Variants in PDE6A observed in about 807,000 individuals in gnomAD.
PDE6A encodes phosphodiesterase 6A.
Under a neutral mutation model 106.3 loss-of-function variants are expected in PDE6A, and 84 were observed. That is an observed-to-expected ratio of 0.79 (90% CI 0.66 to 0.95). The LOEUF (loss-of-function observed/expected upper bound fraction) is 0.95, where lower values mean the gene tolerates loss of function less well. PDE6A is among the 40% of genes least tolerant of loss of function. The pLI is 0.00. For missense variants in PDE6A, 1,052 were observed against 1,084.9 expected (o/e 0.97, Z 0.43); for synonymous variants, 394 against 386.6 (o/e 1.02, Z -0.23).
At position 149,944,423 on chromosome 5, in the gene PDE6A, T is replaced by A. The variant is rs771965437; in HGVS notation, c.251A>T (p.Lys84Met). The change falls in exon 1 of 22, where the codon AAG (lysine) becomes ATG (methionine). Residue 84 changes from lysine to methionine, a missense_variant. Physicochemically the swap from Lys to Met is moderately conservative, Grantham distance 95. Around this residue, in one of 3 missense-constraint regions of PDE6A, gnomAD observed 913 missense variants for 915.2 expected, o/e 1.00. Transcript: ENST00000255266. ...GTCTGCCTGCAGGAGGAAGCACAGC[T>A]TCTTCATGACATTGAAGATGCATTT... ...TEKCIFNVMK[K>M]LCFLLQADRM... 3.7e-5 allele frequency: 59 copies of A among 1,613,988 alleles called. No homozygotes were observed. The Middle Eastern group carries it at 4.9e-4, about 13-fold the overall frequency.
intron 3 of PDE6A, chr5:149,932,775 A>G: frequency 1.1e-6 from 1 of 946,506 alleles, no homozygotes. Context: ...AAATCCTTTA[A>G]CTTGCTTCAA....
intron 17 of PDE6A, among the ~76,000 whole-genome samples, chr5:149,873,528 C>G (rs367940328): frequency 6.6e-6 from 1 of 152,052 alleles, no homozygotes; most frequent in Non-Finnish European, 1.5e-5. Flanking sequence ...GACAGGGTTT[C>G]ATCACGTTGA....
chr5:149,866,206 G>C lies in PDE6A; in HGVS notation c.2322C>G (p.Val774=). 6.2e-7 allele frequency: 1 copy of C among 1,614,144 alleles called. No homozygotes were observed. Among genetic ancestry groups the C allele is most frequent in the Non-Finnish European group, 8.5e-7 (1 of 1,179,986 alleles). ...NKADELPKLQ[V]GFIDFVCTFV... Reference sequence around the variant, plus strand: ...AGGTGCAAACAAAGTCAATGAAGCCGACTTGAAGCTTAGGGAGTTCATCTG... The same window carrying C: ...AGGTGCAAACAAAGTCAATGAAGCCCACTTGAAGCTTAGGGAGTTCATCTG... The change falls in exon 20 of 22, where the codon GTC becomes GTG. Residue 774 remains valine, a synonymous_variant. Coordinates refer to ENST00000255266, the MANE Select transcript of PDE6A (RefSeq NM_000440.3).
At position 149,863,054 on chromosome 5, in the gene PDE6A, G is replaced by GT; in HGVS notation, c.2506+64_2506+65insA. On this transcript the variant is annotated intron_variant, in intron 21 of 21. Coordinates refer to ENST00000255266, the MANE Select transcript of PDE6A (RefSeq NM_000440.3). This position sits in a 1 kb window ranked among gnomAD's most constrained non-coding sequence, Gnocchi z 4.7. The stretch of plus-strand genomic sequence containing the variant: ...ACTCCGTGTAAGAGTCTCTGAGGCA[G>GT]GACGCAGACACTGAGTGCTCAGGGA... The GT allele has an allele frequency of 6.3e-7, 1 of 1,587,030 alleles. No homozygotes were observed. Among genetic ancestry groups the GT allele is most frequent in the Non-Finnish European group, 8.7e-7 (1 of 1,155,450 alleles).
intron 6 of PDE6A, among the ~76,000 whole-genome samples, chr5:149,914,415 T>C (rs1753488155): frequency 6.6e-6 from 1 of 152,194 alleles, no homozygotes; most frequent in Non-Finnish European, 1.5e-5. Context: ...TTGAGATGTG[T>C]TAAAATAAAA....
At chr5:149,917,122 A>C (rs1753581225) in intron 5 of PDE6A, among the ~76,000 whole-genome samples, 1 of 151,506 alleles carries the variant, frequency 6.6e-6, no homozygotes, top group Non-Finnish European at 1.5e-5. Context: ...GCATGATCCA[A>C]GTTTATATTT....
Position 149,944,416 on chromosome 5 carries a change from G to C in PDE6A, c.258C>G (p.Cys86Trp). Residue 86 changes from cysteine to tryptophan, a missense_variant, in exon 1 of 22, where the codon TGC (cysteine) becomes TGG (tryptophan). By Grantham distance (215) the Cys-to-Trp change is radical (BLOSUM62 -2). Around this residue, in one of 3 missense-constraint regions of PDE6A, gnomAD observed 913 missense variants for 915.2 expected, o/e 1.00. Coordinates refer to ENST00000255266, the MANE Select transcript of PDE6A (RefSeq NM_000440.3). Reference sequence around the variant, plus strand: ...TCATGCGGTCTGCCTGCAGGAGGAAGCACAGCTTCTTCATGACATTGAAGA... The same window carrying C: ...TCATGCGGTCTGCCTGCAGGAGGAACCACAGCTTCTTCATGACATTGAAGA... ...KCIFNVMKKL[C>W]FLLQADRMSL... The C allele has an allele frequency of 6.2e-7, 1 of 1,614,146 alleles. No homozygotes were observed. The highest frequency in any genetic ancestry group is 2.2e-5 in the East Asian group (1 of 44,886).
chr5:149,897,368 G>C lies in PDE6A; in HGVS notation c.1408-592C>G, dbSNP rs140138997. 3.3e-5 allele frequency among the ~76,000 whole-genome samples: 5 copies of C among 152,308 alleles called. No homozygotes were observed. In the East Asian group the frequency reaches 5.8e-4, roughly 18 times the overall value. ...GATTTCTTGACCCAGAGCAAAATTT[G>C]TTAACTTGTAACTGGTTCACCGAGG... On this transcript the variant is annotated intron_variant, in intron 10 of 21. Coordinates refer to ENST00000255266, the MANE Select transcript of PDE6A (RefSeq NM_000440.3).
intron 21 of PDE6A, among the ~76,000 whole-genome samples, 176 bp downstream of exon 21, chr5:149,862,943 C>T (rs1291282674): frequency 1.3e-5 from 2 of 152,144 alleles, no homozygotes; most frequent in Non-Finnish European, 2.9e-5. Context: ...GGCTCTGTCT[C>T]TTACTGTGTG....
At chr5:149,873,383 G>A (rs1760628339) in intron 17 of PDE6A, among the ~76,000 whole-genome samples, 1 of 150,212 alleles carries the variant, frequency 6.7e-6, no homozygotes, top group South Asian at 2.1e-4. Flanking sequence ...CCAGGCTGGA[G>A]TGCAGTGGCA....
rs184058201 is a variant in PDE6A at position 149,888,066 on chromosome 5, G to A, written c.1729-1692C>T. On this transcript the variant is annotated intron_variant, in intron 13 of 21. Transcript: ENST00000255266. ...GTGGGAGGATCGCTTGAGCCCAGGA[G>A]GTCAAGGCTGCAGTGAGCCGTGTGT... Among the ~76,000 whole-genome samples, 380 of 152,246 alleles carry A rather than the reference G, an allele frequency of 2.5e-3. 3 individuals carry two copies. The highest frequency in any genetic ancestry group is 8.7e-3 in the African/African-American group (362 of 41,510).
At chr5:149,875,610 C>A (rs1176033477) in intron 17 of PDE6A, among the ~76,000 whole-genome samples, 2 of 151,880 alleles carry the variant, frequency 1.3e-5, no homozygotes, top group African/African-American at 4.8e-5. Flanking sequence ...CCACCTCAGC[C>A]TCCTGAGTAG....
chr5:149,931,602 T>G lies in PDE6A; in HGVS notation c.718-434A>C, dbSNP rs962738808. ...TTAGGTGGTTCGAGTTTCTCAAATCTGGCAACAGACCATGACTTTGAAAGT... is the reference window on the plus strand; with the variant it reads ...TTAGGTGGTTCGAGTTTCTCAAATCGGGCAACAGACCATGACTTTGAAAGT... On this transcript the variant is annotated intron_variant, in intron 3 of 21. Coordinates refer to ENST00000255266, the MANE Select transcript of PDE6A (RefSeq NM_000440.3). 4.6e-5 allele frequency among the ~76,000 whole-genome samples: 7 copies of G among 152,376 alleles called. 1 individual carries two copies. Among genetic ancestry groups the G allele is most frequent in the Admixed American group, 4.6e-4 (7 of 15,300 alleles).
Position 149,867,776 on chromosome 5 carries a change from T to C in PDE6A, c.2223A>G (p.Glu741=), listed in dbSNP as rs1392053028. The stretch of plus-strand genomic sequence containing the variant: ...GCTCCAGGTCACCTTGTTCCCAGAA[T>C]TCAGCAGCCACCAGCAGAGCTACCT... The part of the protein sequence containing the change: ...QSQVALLVAA[E]FWEQGDLERT... Residue 741 remains glutamate, a synonymous_variant, in exon 19 of 22, where the codon GAA becomes GAG. Transcript: ENST00000255266. The C allele has an allele frequency of 5.0e-6, 8 of 1,613,528 alleles. No individual in the cohort carries two copies. Among genetic ancestry groups the C allele is most frequent in the Middle Eastern group, 1.6e-4 (1 of 6,084 alleles).
chr5:149,891,319 A>G (rs1408954060), intron 13 of PDE6A, among the ~76,000 whole-genome samples: 2 of 152,034 alleles, frequency 1.3e-5, no homozygotes, highest in Admixed American at 1.3e-4. Flanking sequence ...AAAATACAAA[A>G]ATTAGCCAGG....
intron 5 of PDE6A, among the ~76,000 whole-genome samples, chr5:149,915,208 T>C (rs1753514985): frequency 6.6e-6 from 1 of 151,714 alleles, no homozygotes; most frequent in Non-Finnish European, 1.5e-5. Flanking sequence ...CTAATTATTG[T>C]ATTTTTAGCA....
intron 1 of PDE6A, among the ~76,000 whole-genome samples, chr5:149,942,107 G>A (rs930644456): frequency 6.6e-6 from 1 of 152,020 alleles, no homozygotes; most frequent in African/African-American, 2.4e-5. Flanking sequence ...GACCACAGGT[G>A]TGCACCACCA....
chr5:149,944,465 TC>T lies in PDE6A; in HGVS notation c.208del (p.Glu70ArgfsTer13). Reference protein sequence around the residue: ...IIFDLLRDFQENLQTEKCIFN... With the variant: ...IIFDLLRDFQXNLQTEKCIFN... Reference sequence around the variant, plus strand: ...GATGCATTTCTCTGTCTGTAAATTCTCCTGAAAGTCCCGCAGGAGATCAAAG... The same window carrying T: ...GATGCATTTCTCTGTCTGTAAATTCTCTGAAAGTCCCGCAGGAGATCAAAG... On this transcript the variant is annotated frameshift_variant, in exon 1 of 22. Coordinates refer to ENST00000255266, the MANE Select transcript of PDE6A (RefSeq NM_000440.3). LOFTEE classifies it high-confidence loss of function. 1 of 1,614,212 alleles carries T rather than the reference TC, an allele frequency of 6.2e-7. No individual in the cohort carries two copies. Among genetic ancestry groups the T allele is most frequent in the Non-Finnish European group, 8.5e-7 (1 of 1,180,034 alleles).
intron 13 of PDE6A, among the ~76,000 whole-genome samples, chr5:149,888,056 G>A (rs944870687): frequency 1.3e-5 from 2 of 152,134 alleles, no homozygotes; most frequent in Non-Finnish European, 2.9e-5. Context: ...AGGATCGCTT[G>A]AGCCCAGGAG....
Sources: allele counts gnomAD v4.1 joint callset (sites outside exome capture counted in the v4.1 genomes callset), GRCh38; gene constraint gnomAD v4.1.1; regional missense constraint gnomAD v4.1.1; non-coding constraint Gnocchi (gnomAD v3.1); transcripts MANE v1.5; gene names NCBI Gene and HGNC (gene_info 2026-07-23, HGNC 2026-07-21).